Variants in FOXO3B observed in about 807,000 individuals in gnomAD.
FOXO3B encodes the protein forkhead box O3B.
FOXO3B carries 15 observed loss-of-function variants against 21.9 expected under a neutral mutation model. The ratio of observed to expected loss-of-function variants is 0.68; its 90% CI spans 0.46 to 1.05. The LOEUF (loss-of-function observed/expected upper bound fraction) is 1.05. Ranked by LOEUF, FOXO3B falls within the 50% of genes least tolerant of loss-of-function variation. The pLI is 0.00. For missense variants in FOXO3B, 293 were observed against 435.5 expected (o/e 0.67, Z 2.91); for synonymous variants, 135 against 213.6 (o/e 0.63, Z 3.21).
At position 18,680,772 on chromosome 17, in the gene FOXO3B, AC is replaced by A. The variant is rs749438791; in HGVS notation, c.94del (p.Val32TrpfsTer110). The A allele has an allele frequency of 6.2e-7, 1 of 1,613,782 alleles. No individual in the cohort carries two copies. On this transcript the variant is annotated frameshift_variant, in exon 3 of 4. Transcript: ENST00000395675. LOFTEE classifies it high-confidence loss of function. ...FQEKSTEEGEVAALRLTARSQ... is the reference protein window; with the variant it reads ...FQEKSTEEGEXAALRLTARSQ... ...TCTGGCCGTGAGGCGCAGAGCAGCC[AC>A]TTCTCCCTCTTCTGTGCTCTTCTCT...
intron 3 of FOXO3B, among the ~76,000 whole-genome samples, chr17:18,678,934 C>G (rs549480841): frequency 7.4e-4 from 112 of 151,888 alleles, no homozygotes; most frequent in African/African-American, 2.6e-3. Flanking sequence ...GCCTAATACC[C>G]CATTAGAGTC....
In FOXO3B at chr17:18,671,801, T is replaced by C. The variant is rs1879990357; in HGVS notation, c.*508A>G. 2.5e-6 allele frequency: 4 copies of C among 1,605,090 alleles called. No homozygotes were observed. The highest frequency in any genetic ancestry group is 3.4e-6 in the Non-Finnish European group (4 of 1,172,648). On this transcript the variant is annotated 3_prime_UTR_variant, in exon 4 of 4. Transcript: ENST00000395675. ...CAGTCAGCCCCATCATTCAGATTCA[T>C]GGTGCCTGCCATGTCAGTCAGCCGT...
In FOXO3B at chr17:18,672,866, C is replaced by T. The variant is rs2032401566; in HGVS notation, c.316G>A (p.Glu106Lys). 1 of 1,560,422 alleles carries T rather than the reference C, an allele frequency of 6.4e-7. No individual in the cohort carries two copies. Among genetic ancestry groups the T allele is most frequent in the Non-Finnish European group, 8.7e-7 (1 of 1,155,384 alleles). ...CGCGGACGGCTCTGGGGCTCGAACT[C>T]CGGGTCCAGCTCCACTTCGAGCGGA... ...LSPLEVELDP[E>K]FEPQSRPRSC... Residue 106 changes from glutamate to lysine, a missense_variant, in exon 4 of 4, where the codon GAG becomes AAG. Coordinates refer to ENST00000395675, the MANE Select transcript of FOXO3B (RefSeq NM_001368135.1). The surrounding 1 kb of genome is among the most constrained non-coding windows in gnomAD (Gnocchi z 4.2).
intron 3 of FOXO3B, among the ~76,000 whole-genome samples, chr17:18,674,289 CTTTTTATACAAACTT>C (rs1314491169): frequency 6.6e-6 from 1 of 151,928 alleles, no homozygotes; most frequent in Non-Finnish European, 1.5e-5. Flanking sequence ...TTGGGCCACA[CTTTTTATACAAACTT>C]TTAAAACTAG....
In FOXO3B at chr17:18,671,578, T is replaced by G. The variant is rs2032364160; in HGVS notation, c.*731A>C. ...GTAGCTGGCTTGTTCTCTTGGATGG[T>G]CTGCATGGGAGACTGGCGTAGGGAG... On this transcript the variant is annotated 3_prime_UTR_variant, in exon 4 of 4. Transcript: ENST00000395675. 1 of 1,613,086 alleles carries G rather than the reference T, an allele frequency of 6.2e-7. No homozygotes were observed. Among genetic ancestry groups the G allele is most frequent in the African/African-American group, 1.3e-5 (1 of 74,892 alleles).
At position 18,671,910 on chromosome 17, in the gene FOXO3B, G is replaced by A. The variant is rs71239160; in HGVS notation, c.*399C>T. 4.3e-6 allele frequency: 7 copies of A among 1,613,542 alleles called. No individual in the cohort carries two copies. Among genetic ancestry groups the A allele is most frequent in the African/African-American group, 4.0e-5 (3 of 75,042 alleles). ...AGAGCATGGGCGAGAGAGGCGCATC[G>A]TCGTCCTGGACTTCATCCAACTCTG... On this transcript the variant is annotated 3_prime_UTR_variant, in exon 4 of 4. Transcript: ENST00000395675.
rs947350556 is a variant in FOXO3B at position 18,681,225 on chromosome 17, C to T, written c.37+390G>A. The T allele has an allele frequency of 1.1e-4, 44 of 400,874 alleles. No individual in the cohort carries two copies. The Admixed American group carries it at 1.3e-3, about 12-fold the overall frequency. 24.8% of individuals were successfully genotyped at this position (400,874 alleles called of 1,614,324 possible). On this transcript the variant is annotated intron_variant, in intron 2 of 3. Coordinates refer to ENST00000395675, the MANE Select transcript of FOXO3B (RefSeq NM_001368135.1). ...TACAATCCAGAAATCTAACAACCAC[C>T]CCAGGGGGAATTCTGGTGTAGGAGG...
intron 3 of FOXO3B, among the ~76,000 whole-genome samples, chr17:18,676,456 A>T (rs1369844378): frequency 2.6e-5 from 4 of 152,262 alleles, no homozygotes; most frequent in African/African-American, 4.8e-5. Flanking sequence ...CACAGTAGTT[A>T]AAATGAATAA....
chr17:18,669,890 C>T lies in FOXO3B; in HGVS notation c.*2419G>A, dbSNP rs1373761997. On this transcript the variant is annotated 3_prime_UTR_variant, in exon 4 of 4. Coordinates refer to ENST00000395675, the MANE Select transcript of FOXO3B (RefSeq NM_001368135.1). ...CATTTCTCACTGCAAGCTTAATGCT[C>T]ACCTGTAAGTTCATTTGTTCTGCAA... Among the ~76,000 whole-genome samples, 2 of 151,870 alleles carry T rather than the reference C, an allele frequency of 1.3e-5. No individual in the cohort carries two copies. Among genetic ancestry groups the T allele is most frequent in the African/African-American group, 4.8e-5 (2 of 41,312 alleles).
intron 3 of FOXO3B, among the ~76,000 whole-genome samples, chr17:18,673,988 AAACAATT>A (rs908856241): frequency 3.3e-5 from 5 of 150,876 alleles, no homozygotes. Context: ...AGTACCATTA[AAACAATT>A]ACTGGAAAAG....
At position 18,671,850 on chromosome 17, in the gene FOXO3B, G is replaced by T; in HGVS notation, c.*459C>A. On this transcript the variant is annotated 3_prime_UTR_variant, in exon 4 of 4. Coordinates refer to ENST00000395675, the MANE Select transcript of FOXO3B (RefSeq NM_001368135.1). ...GTAGCAGTTCCACCGTGCACGGCTT[G>T]CTTACTGAAGGTGACAGGCTCGCTG... The T allele has an allele frequency of 6.2e-7, 1 of 1,612,634 alleles. No homozygotes were observed.
chr17:18,679,886 C>A (rs999317665), intron 3 of FOXO3B, among the ~76,000 whole-genome samples: 1 of 151,694 alleles, frequency 6.6e-6, no homozygotes, highest in African/African-American at 2.4e-5. Context: ...ATTGCCCAGG[C>A]CGGAATGCAG....
At position 18,671,847 on chromosome 17, in the gene FOXO3B, CT is replaced by C; in HGVS notation, c.*461del. On this transcript the variant is annotated 3_prime_UTR_variant, in exon 4 of 4. Transcript: ENST00000395675. Reference sequence around the variant, plus strand: ...GCCGTAGCAGTTCCACCGTGCACGGCTTGCTTACTGAAGGTGACAGGCTCGC... The same window carrying C: ...GCCGTAGCAGTTCCACCGTGCACGGCTGCTTACTGAAGGTGACAGGCTCGC... The C allele has an allele frequency of 5.0e-6, 8 of 1,612,516 alleles. No individual in the cohort carries two copies. Among genetic ancestry groups the C allele is most frequent in the Non-Finnish European group, 6.8e-6 (8 of 1,179,042 alleles).
At chr17:18,679,734 C>T (rs894273396) in intron 3 of FOXO3B, among the ~76,000 whole-genome samples, 5 of 152,134 alleles carry the variant, frequency 3.3e-5, no homozygotes, top group Non-Finnish European at 7.4e-5. Context: ...AGGCATGAGC[C>T]ACCGTGCCCA....
intron 3 of FOXO3B, chr17:18,677,576 C>G: frequency 6.2e-7 from 1 of 1,602,950 alleles, no homozygotes; most frequent in East Asian, 2.2e-5. Flanking sequence ...GCGGGCCCAG[C>G]GGCAGGGCCA....
At position 18,672,746 on chromosome 17, in the gene FOXO3B, C is replaced by T. The variant is rs1291865645; in HGVS notation, c.436G>A (p.Glu146Lys). 127 of 1,536,906 alleles carry T rather than the reference C, an allele frequency of 8.3e-5. No homozygotes were observed. The highest frequency in any genetic ancestry group is 1.1e-4 in the Non-Finnish European group (126 of 1,140,678). ...TAADSMIPEE[E>K]DDEDDEDGGG... ...CCGTCCTCGTCGTCTTCATCGTCCTCCTCCTCGGGGATCATGGAGTCGGCG... is the reference window on the plus strand; with the variant it reads ...CCGTCCTCGTCGTCTTCATCGTCCTTCTCCTCGGGGATCATGGAGTCGGCG... The change falls in exon 4 of 4, where the codon GAG becomes AAG. Residue 146 changes from glutamate to lysine, a missense_variant. Transcript: ENST00000395675. The surrounding 1 kb of genome is among the most constrained non-coding windows in gnomAD (Gnocchi z 4.2).
At position 18,671,840 on chromosome 17, in the gene FOXO3B, T is replaced by C; in HGVS notation, c.*469A>G. 1.2e-6 allele frequency: 2 copies of C among 1,609,808 alleles called. No homozygotes were observed. Among genetic ancestry groups the C allele is most frequent in the Middle Eastern group, 1.7e-4 (1 of 6,058 alleles). On this transcript the variant is annotated 3_prime_UTR_variant, in exon 4 of 4. Transcript: ENST00000395675. ...TCAGTCAGCCGTAGCAGTTCCACCG[T>C]GCACGGCTTGCTTACTGAAGGTGAC...
intron 3 of FOXO3B, among the ~76,000 whole-genome samples, chr17:18,678,720 T>C (rs1240782097): frequency 2.0e-5 from 3 of 150,816 alleles, no homozygotes; most frequent in South Asian, 2.1e-4. Flanking sequence ...TATTGAAATA[T>C]ATATTCACGC....
intron 3 of FOXO3B, chr17:18,677,489 G>C (rs2032512025): frequency 6.2e-7 from 1 of 1,614,056 alleles, no homozygotes; most frequent in East Asian, 2.2e-5. Context: ...ACGAGGAGGC[G>C]GGCCGCCTGC....
Sources: gnomAD v4.1 joint callset for allele counts (sites outside exome capture counted in the v4.1 genomes callset) on GRCh38, gnomAD v4.1.1 for gene constraint, Gnocchi (gnomAD v3.1) non-coding constraint, MANE v1.5 for transcripts, NCBI Gene and HGNC (gene_info 2026-07-23, HGNC 2026-07-21) for gene names.